Variants in SAMD11 observed in about 807,000 individuals in gnomAD.
The protein encoded by SAMD11 is sterile alpha motif domain-containing protein 11.
A neutral mutation model predicts 64.4 loss-of-function variants in SAMD11; 77 were observed. The ratio of observed to expected loss-of-function variants is 1.20; its 90% CI spans 0.99 to 1.44. SAMD11 has a LOEUF of 1.44. SAMD11 is among the 40% of genes most tolerant of loss of function. The pLI, the probability that SAMD11 is intolerant of heterozygous loss-of-function variation, is 0.00. For synonymous variants in SAMD11, 658 were observed against 421.9 expected (o/e 1.56, Z -6.86); for missense variants, 1,402 against 943.3 (o/e 1.49, Z -6.37).
rs761847105 is a variant in SAMD11 at position 943,387 on chromosome 1, G to A, written c.2178+10G>A. On this transcript the variant is annotated intron_variant, in intron 12 of 13. Transcript: ENST00000616016. ...TGGAGAGTACACTCGGGTAAGGGGG[G>A]GCCCCAGTTCCTGGGGCGGGGCTGG... The A allele has an allele frequency of 1.3e-6, 2 of 1,528,454 alleles. No homozygotes were observed. The highest frequency in any genetic ancestry group is 2.1e-5 in the Admixed American group (1 of 48,216). 94.7% of individuals were successfully genotyped at this position (1,528,454 alleles called of 1,614,324 possible).
chr1:942,192 T>A lies in SAMD11; in HGVS notation c.1415T>A (p.Leu472Gln). Residue 472 changes from leucine (L) to glutamine (Q), a missense_variant, in exon 9 of 14, where the codon CTG becomes CAG. Leu to Gln is a moderately radical substitution (Grantham distance 113). Coordinates refer to ENST00000616016, the MANE Select transcript of SAMD11 (RefSeq NM_001385641.1). ...CCGCAGAATGCCCCTCACGTCGCCCTGGGCCCCCATCTCAGGCCCCCCTTC... is the reference window on the plus strand; with the variant it reads ...CCGCAGAATGCCCCTCACGTCGCCCAGGGCCCCCATCTCAGGCCCCCCTTC... Reference protein sequence around the residue: ...LSPQNAPHVALGPHLRPPFLG... With the variant: ...LSPQNAPHVAQGPHLRPPFLG... 1 of 1,394,644 alleles carries A rather than the reference T, an allele frequency of 7.2e-7. No homozygotes were observed. The highest frequency in any genetic ancestry group is 9.3e-7 in the Non-Finnish European group (1 of 1,073,144). The allele number at this position is 1,394,644 out of a possible 1,614,324, so 86.4% of individuals were successfully genotyped here.
chr1:943,142 T>C, intron 11 of SAMD11, 84 bp downstream of exon 11: 1 of 1,577,520 alleles, frequency 6.3e-7, no homozygotes, highest in Non-Finnish European at 8.6e-7. Context: ...GGAGGAAAAA[T>C]TCCCCTTAGG....
intron 4 of SAMD11, 66 bp downstream of exon 4, chr1:931,155 C>T (rs1641154122): frequency 2.8e-6 from 4 of 1,418,622 alleles, no homozygotes; most frequent in East Asian, 2.4e-5. Context: ...CCACCCCTGA[C>T]CGTGCCCTGC....
intron 5 of SAMD11, among the ~76,000 whole-genome samples, chr1:936,722 C>T (rs1417233773): frequency 6.6e-6 from 1 of 152,180 alleles, no homozygotes; most frequent in South Asian, 2.1e-4. Context: ...GTCCCCCATC[C>T]ATGGCCCCCA....
chr1:929,068 G>A (rs768377056), intron 2 of SAMD11, among the ~76,000 whole-genome samples: 16 of 152,222 alleles, frequency 1.1e-4, no homozygotes, highest in Non-Finnish European at 2.4e-4. Context: ...ATTTAAAAAA[G>A]CCTCCCGCCC....
chr1:942,625 G>A lies in SAMD11; in HGVS notation c.1620G>A (p.Ala540=). 2.1e-6 allele frequency: 3 copies of A among 1,437,836 alleles called. No individual in the cohort carries two copies. The highest frequency in any genetic ancestry group is 2.7e-6 in the Non-Finnish European group (3 of 1,102,510). 89.1% of individuals were successfully genotyped at this position (1,437,836 alleles called of 1,614,324 possible). ...ELESARPQLL[A]PETALRPNDG... is the part of the protein sequence containing the mutation. ...AGAGCGCGCGCCCACAGCTGCTGGC[G>A]CCCGAGACCGCCCTGCGCCCCAACG... is the stretch of plus-strand genomic sequence containing the variant. Residue 540 remains alanine (A), a synonymous_variant, in exon 11 of 14, where the codon GCG becomes GCA. Transcript: ENST00000616016.
chr1:936,729 C>T (rs534998057), intron 5 of SAMD11, among the ~76,000 whole-genome samples: 11 of 152,278 alleles, frequency 7.2e-5, no homozygotes, highest in African/African-American at 2.4e-4. Flanking sequence ...ATCCATGGCC[C>T]CCATCCGCGT....
chr1:937,807 C>T (rs1641538981), intron 5 of SAMD11, among the ~76,000 whole-genome samples: 3 of 152,216 alleles, frequency 2.0e-5, no homozygotes, highest in Admixed American at 2.0e-4. Flanking sequence ...AGCAGCCGGG[C>T]CAGGATCAAT....
chr1:926,859 AC>A (rs1246425340), intron 2 of SAMD11, among the ~76,000 whole-genome samples: 1 of 151,974 alleles, frequency 6.6e-6, no homozygotes, highest in Non-Finnish European at 1.5e-5. Flanking sequence ...ACACTCAGGA[AC>A]CCCTTCTTCC....
At chr1:927,460 C>A (rs1178377749) in intron 2 of SAMD11, among the ~76,000 whole-genome samples, 2 of 152,188 alleles carry the variant, frequency 1.3e-5, no homozygotes, top group Non-Finnish European at 2.9e-5. Context: ...ACCTGGGGCT[C>A]CCAGGTCCCT....
intron 2 of SAMD11, among the ~76,000 whole-genome samples, chr1:928,749 C>T (rs1386750154): frequency 6.6e-6 from 1 of 152,252 alleles, no homozygotes; most frequent in Non-Finnish European, 1.5e-5. Context: ...GGCCCAGTGG[C>T]CGGTGAGGGG....
At chr1:929,519 T>C (rs1381522714) in intron 2 of SAMD11, among the ~76,000 whole-genome samples, 1 of 152,134 alleles carries the variant, frequency 6.6e-6, no homozygotes, top group Non-Finnish European at 1.5e-5. Flanking sequence ...GTGGCGCTGA[T>C]GAAATAGAAA....
At chr1:941,029 G>A (rs888279302) in intron 7 of SAMD11, 115 bp from the exon 8 acceptor site, 2 of 989,882 alleles carry the variant, frequency 2.0e-6, no homozygotes, top group South Asian at 3.3e-5. Context: ...CCCAGGGGCC[G>A]AGCACGGCCG....
intron 4 of SAMD11, among the ~76,000 whole-genome samples, chr1:931,815 C>T (rs1641181619): frequency 6.6e-6 from 1 of 152,166 alleles, no homozygotes; most frequent in Non-Finnish European, 1.5e-5. Flanking sequence ...AATGAAGAGC[C>T]CCGGGGAAGA....
In SAMD11 at chr1:942,146, C is replaced by T. The variant is rs1557609685; in HGVS notation, c.1369C>T (p.Gln457Ter). The T allele has an allele frequency of 4.4e-6, 6 of 1,359,952 alleles. No homozygotes were observed. Among genetic ancestry groups the T allele is most frequent in the Non-Finnish European group, 5.9e-6 (6 of 1,019,068 alleles). The allele number at this position is 1,359,952 out of a possible 1,614,324, so 84.2% of individuals were successfully genotyped here. A position where few individuals can be genotyped will look rare whatever the true frequency, so the allele number is the denominator to read the frequency against. The part of the protein sequence containing the change: ...APSFSERELP[Q>*]PPPLLSPQNA... The stretch of plus-strand genomic sequence containing the variant: ...CGCTGCCGTCCACAGGGAGCTGCCT[C>T]AGCCGCCCCCCTTGCTGTCGCCGCA... The change falls in exon 9 of 14, where the codon CAG becomes TAG. Residue 457 changes from glutamine (Q) to a stop codon, truncating the protein, a stop_gained. Transcript: ENST00000616016. LOFTEE classifies it high-confidence loss of function.
In SAMD11 at chr1:944,410, CT is replaced by C; in HGVS notation, c.*258del. 1 of 1,161,548 alleles carries C rather than the reference CT, an allele frequency of 8.6e-7. No homozygotes were observed. The highest frequency in any genetic ancestry group is 3.0e-4 in the Middle Eastern group (1 of 3,328). 72.0% of individuals were successfully genotyped at this position (1,161,548 alleles called of 1,614,324 possible). ...GGGCCAGGGGCCTGCAGGCCTCCCC[CT>C]GGAACTGGGACTGGTCTCGGTCTGC... On this transcript the variant is annotated 3_prime_UTR_variant, in exon 14 of 14. Coordinates refer to ENST00000616016, the MANE Select transcript of SAMD11 (RefSeq NM_001385641.1).
At chr1:928,219 CGT>C (rs1248429338) in intron 2 of SAMD11, among the ~76,000 whole-genome samples, 192 of 152,128 alleles carry the variant, frequency 1.3e-3, no homozygotes, top group Non-Finnish European at 2.2e-3. Context: ...CGGTGAAACC[CGT>C]CTCTACTAAA....
chr1:933,384 G>C (rs911118675), intron 4 of SAMD11, among the ~76,000 whole-genome samples: 1 of 152,168 alleles, frequency 6.6e-6, no homozygotes, highest in African/African-American at 2.4e-5. Flanking sequence ...GTGGCACCCA[G>C]CTCCCCACCA....
At chr1:928,272 G>A (rs1478978978) in intron 2 of SAMD11, among the ~76,000 whole-genome samples, 2 of 152,288 alleles carry the variant, frequency 1.3e-5, no homozygotes, top group East Asian at 1.9e-4. Context: ...GGTGCCTGTA[G>A]TCCCAGCTAC....
Sources: gnomAD v4.1 joint callset for allele counts (sites outside exome capture counted in the v4.1 genomes callset) on GRCh38, gnomAD v4.1.1 for gene constraint, MANE v1.5 for transcripts, NCBI Gene and HGNC (gene_info 2026-07-23, HGNC 2026-07-21) for gene names.